The following TSC22D1 variants were observed in gnomAD, a reference collection of about 807,000 sequenced individuals.
TSC22D1 encodes the protein TSC22 domain family member 1.
Under a neutral mutation model 74.2 loss-of-function variants are expected in TSC22D1, and 9 were observed. The ratio of observed to expected loss-of-function variants is 0.12; its 90% confidence interval spans 0.07 to 0.21. The LOEUF is 0.21. Among genes scored for constraint, TSC22D1 ranks in the 10% least tolerant of loss-of-function variants. The pLI is 1.00. For synonymous variants in TSC22D1, 586 were observed against 492.5 expected, an observed-to-expected ratio of 1.19 and a Z score of -2.51; for missense variants, 1,427 against 1,304.7, an observed-to-expected ratio of 1.09 and a Z score of -1.44.
intron 1 of TSC22D1, among the ~76,000 whole-genome samples, chr13:44,459,954 C>T (rs759962597): frequency 5.9e-4 from 90 of 152,084 alleles, no homozygotes; most frequent in Admixed American, 9.8e-4. Flanking sequence ...GTAGCACAAG[C>T]GGAGAGCAGC....
intron 1 of TSC22D1, among the ~76,000 whole-genome samples, chr13:44,544,922 A>G (rs1881722780): frequency 6.6e-6 from 1 of 152,248 alleles, no homozygotes. Context: ...TATATTTTAG[A>G]GTAGTTAATT....
intron 1 of TSC22D1, among the ~76,000 whole-genome samples, chr13:44,515,170 CG>C (rs1879919161): frequency 1.3e-5 from 2 of 152,010 alleles, no homozygotes; most frequent in South Asian, 4.1e-4. Context: ...TAGACAGGAA[CG>C]ACACCTGTAC....
At chr13:44,438,241 T>C (rs1874899659) in intron 1 of TSC22D1, among the ~76,000 whole-genome samples, 1 of 152,238 alleles carries the variant, frequency 6.6e-6, no homozygotes, top group African/African-American at 2.4e-5. Flanking sequence ...CTCTAATCTG[T>C]AGATAAAATT....
intron 1 of TSC22D1, among the ~76,000 whole-genome samples, chr13:44,543,949 TG>T (rs1000902521): frequency 6.6e-6 from 1 of 151,934 alleles, no homozygotes; most frequent in African/African-American, 2.4e-5. Context: ...AAAAATTAGC[TG>T]GGCATGGTGG....
chr13:44,458,946 A>G lies in TSC22D1; in HGVS notation c.2913-22851T>C, dbSNP rs142092971. On this transcript the variant is annotated intron_variant, in intron 1 of 2. Coordinates refer to ENST00000458659, the MANE Select transcript of TSC22D1 (RefSeq NM_183422.4). ...GAACAGCCTGGGCACTGTGGATGGC[A>G]TGTTGATGGCGGGAGGCAGACAGGT... is the stretch of plus-strand genomic sequence containing the variant. Among the ~76,000 whole-genome samples the G allele has an allele frequency of 1.2e-3, 190 of 152,292 alleles. 2 individuals are homozygous for G. The South Asian group carries it at 0.021, about 17-fold the overall frequency.
intron 1 of TSC22D1, among the ~76,000 whole-genome samples, chr13:44,504,162 C>T (rs1313530806): frequency 2.0e-5 from 3 of 150,806 alleles, no homozygotes; most frequent in Non-Finnish European, 3.0e-5. Flanking sequence ...AACTACTTGA[C>T]TTGACTTGAA....
chr13:44,451,486 C>A (rs929854023), intron 1 of TSC22D1: 7 of 151,978 alleles, frequency 4.6e-5, no homozygotes, highest in African/African-American at 1.2e-4. Flanking sequence ...ATGCAAAGAA[C>A]GAAGTGTTTA....
intron 1 of TSC22D1, among the ~76,000 whole-genome samples, chr13:44,512,930 G>A (rs1167260764): frequency 6.6e-6 from 1 of 152,234 alleles, no homozygotes; most frequent in Admixed American, 6.5e-5. Context: ...TTACAGGCGT[G>A]AGCCACTGCG....
At chr13:44,569,062 T>C (rs879151217) in intron 1 of TSC22D1, among the ~76,000 whole-genome samples, 1 of 152,116 alleles carries the variant, frequency 6.6e-6, no homozygotes, top group Non-Finnish European at 1.5e-5. Context: ...CAAAAAGAAA[T>C]GAAAGGTGTA....
rs553287074 is a variant in TSC22D1 at position 44,500,533 on chromosome 13, C to A, written c.2913-64438G>T. On this transcript the variant is annotated intron_variant, in intron 1 of 2. Coordinates refer to ENST00000458659, the MANE Select transcript of TSC22D1 (RefSeq NM_183422.4). ...CACTCTAAATAAATAATGTCACTGC[C>A]TAAATTTCAGAGATGAAAGAACCAA... Among the ~76,000 whole-genome samples the A allele has an allele frequency of 2.0e-5, 3 of 152,302 alleles. No individual in the cohort carries two copies. The East Asian group carries it at 5.8e-4, about 29-fold the overall frequency.
At chr13:44,435,850 C>G in intron 2 of TSC22D1, 194 bp downstream of exon 2, 1 of 635,772 alleles carries the variant, frequency 1.6e-6, no homozygotes, top group Non-Finnish European at 2.8e-6. Context: ...TTAATACCCG[C>G]AGGGCCCCTT....
chr13:44,487,701 G>T (rs961220421), intron 1 of TSC22D1, among the ~76,000 whole-genome samples: 1 of 147,300 alleles, frequency 6.8e-6, no homozygotes, highest in Admixed American at 6.8e-5. Flanking sequence ...ACTTCAAGAG[G>T]TTAAAAAAAA....
intron 1 of TSC22D1, among the ~76,000 whole-genome samples, chr13:44,571,192 C>T (rs1440632887): frequency 6.6e-6 from 1 of 152,200 alleles, no homozygotes. Flanking sequence ...TGAATGTGTA[C>T]AGTGTCTGAA....
intron 1 of TSC22D1, among the ~76,000 whole-genome samples, chr13:44,551,149 C>A (rs116581312): frequency 5.9e-5 from 9 of 151,852 alleles, no homozygotes; most frequent in African/African-American, 2.2e-4. Context: ...CATGTACCTG[C>A]AGTCCTGGTT....
intron 1 of TSC22D1, among the ~76,000 whole-genome samples, chr13:44,533,109 A>G (rs1880945357): frequency 6.6e-6 from 1 of 152,168 alleles, no homozygotes; most frequent in Non-Finnish European, 1.5e-5. Flanking sequence ...AGAGAATTCT[A>G]AAGTAATTTT....
chr13:44,572,656 C>T (rs1197014089), intron 1 of TSC22D1, among the ~76,000 whole-genome samples: 1 of 152,134 alleles, frequency 6.6e-6, no homozygotes, highest in Non-Finnish European at 1.5e-5. Context: ...ACCTATATAA[C>T]CCAGATTAAG....
intron 1 of TSC22D1, among the ~76,000 whole-genome samples, chr13:44,494,990 G>T (rs1224523567): frequency 6.6e-6 from 1 of 152,090 alleles, no homozygotes; most frequent in African/African-American, 2.4e-5. Flanking sequence ...CACTAGGGAG[G>T]TTTAAGAGCA....
intron 1 of TSC22D1, among the ~76,000 whole-genome samples, chr13:44,548,242 C>T (rs1241319840): frequency 6.6e-6 from 1 of 152,152 alleles, no homozygotes; most frequent in Admixed American, 6.5e-5. Flanking sequence ...TGGGGCTGGG[C>T]GCGGTGGCGC....
intron 1 of TSC22D1, among the ~76,000 whole-genome samples, chr13:44,471,669 C>T (rs1877614521): frequency 1.3e-5 from 2 of 152,202 alleles, no homozygotes; most frequent in African/African-American, 4.8e-5. Context: ...TACAGAACCA[C>T]TGGCAGTTTC....
Sources: allele counts gnomAD v4.1 joint callset (sites outside exome capture counted in the v4.1 genomes callset), GRCh38; gene constraint gnomAD v4.1.1; transcripts MANE v1.5; gene names NCBI Gene and HGNC (gene_info 2026-07-23, HGNC 2026-07-21).